LCLAT1: variants seen among roughly 807,000 people sequenced by gnomAD.
LCLAT1 encodes the protein 1-AGP acyltransferase 8.
LCLAT1 carries 11 observed loss-of-function variants against 30.7 expected under a neutral mutation model. The ratio of observed to expected loss-of-function variants is 0.36; its 90% CI spans 0.23 to 0.59. The LOEUF (loss-of-function observed/expected upper bound fraction) is 0.59, where lower values mean the gene tolerates loss of function less well. Among genes scored for constraint, LCLAT1 ranks in the 20% least tolerant of loss-of-function variants. The pLI is 0.77. For missense variants in LCLAT1, 402 were observed against 458.6 expected, an observed-to-expected ratio of 0.88 and a Z score of 1.13; for synonymous variants, 155 against 151.3, an observed-to-expected ratio of 1.02 and a Z score of -0.18.
At chr2:30,531,530 G>A (rs1402036536) in intron 2 of LCLAT1, among the ~76,000 whole-genome samples, 3 of 152,098 alleles carry the variant, frequency 2.0e-5, no homozygotes, top group African/African-American at 7.2e-5. Context: ...TTGACCTCTT[G>A]GAGGCCATCG....
chr2:30,464,337 T>C (rs1226712183), intron 1 of LCLAT1, among the ~76,000 whole-genome samples: 1 of 152,228 alleles, frequency 6.6e-6, no homozygotes, highest in Non-Finnish European at 1.5e-5. Context: ...GGAATGAAAC[T>C]GCTTGATTCT....
At chr2:30,456,598 G>A (rs1347656555) in intron 1 of LCLAT1, among the ~76,000 whole-genome samples, 1 of 152,182 alleles carries the variant, frequency 6.6e-6, no homozygotes, top group African/African-American at 2.4e-5. Context: ...ATATTGGCTG[G>A]AGGGCATGTT....
At chr2:30,614,664 T>C (rs1377469629) in intron 5 of LCLAT1, among the ~76,000 whole-genome samples, 2 of 152,172 alleles carry the variant, frequency 1.3e-5, no homozygotes, top group South Asian at 2.1e-4. Context: ...TAGGGAGTTA[T>C]GAAATTAGTA....
At chr2:30,503,556 C>G (rs987934233) in intron 1 of LCLAT1, among the ~76,000 whole-genome samples, 1 of 152,150 alleles carries the variant, frequency 6.6e-6, no homozygotes, top group Non-Finnish European at 1.5e-5. Context: ...TAGAGTTCCA[C>G]TTAGCATGGG....
chr2:30,623,301 G>A (rs539428517), intron 5 of LCLAT1, among the ~76,000 whole-genome samples: 35 of 152,136 alleles, frequency 2.3e-4, no homozygotes, highest in Admixed American at 9.2e-4. Flanking sequence ...TGATCCACCC[G>A]CCTTGGCCTC....
In LCLAT1 at chr2:30,644,170, G is replaced by A. The variant is rs184514649; in HGVS notation, c.*3551G>A. On this transcript the variant is annotated 3_prime_UTR_variant, in exon 6 of 6. Coordinates refer to ENST00000379509, the MANE Select transcript of LCLAT1 (RefSeq NM_001002257.3). ...TTTCAATGTCTGATGGTATATTTGT[G>A]AGTTGTGTTATCTGTAATATACATC... is the stretch of plus-strand genomic sequence containing the variant. 163 of 152,210 alleles carry A rather than the reference G, an allele frequency of 1.1e-3. No individual in the cohort carries two copies. Among genetic ancestry groups the A allele is most frequent in the African/African-American group, 3.8e-3 (156 of 41,526 alleles). 9.4% of individuals were successfully genotyped at this position (152,210 alleles called of 1,614,324 possible).
At chr2:30,450,587 A>T (rs1469148318) in intron 1 of LCLAT1, among the ~76,000 whole-genome samples, 1 of 152,230 alleles carries the variant, frequency 6.6e-6, no homozygotes, top group African/African-American at 2.4e-5. Flanking sequence ...GTAATCACTG[A>T]TGGTTTCTCT....
At chr2:30,518,422 C>T (rs959465367) in intron 1 of LCLAT1, among the ~76,000 whole-genome samples, 3 of 152,070 alleles carry the variant, frequency 2.0e-5, no homozygotes, top group Non-Finnish European at 2.9e-5. Context: ...TCTGCTCAAA[C>T]GTGCGAGCTG....
chr2:30,470,075 G>A (rs1682699617), intron 1 of LCLAT1, among the ~76,000 whole-genome samples: 1 of 152,144 alleles, frequency 6.6e-6, no homozygotes, highest in African/African-American at 2.4e-5. Flanking sequence ...AATCACACGA[G>A]TGTCAAAATG....
At chr2:30,540,663 C>G (rs1012157863) in intron 3 of LCLAT1, among the ~76,000 whole-genome samples, 2 of 150,374 alleles carry the variant, frequency 1.3e-5, no homozygotes, top group African/African-American at 4.9e-5. Context: ...CTTTCTTTTC[C>G]TTTCTTTTTT....
At chr2:30,502,171 C>T (rs775852163) in intron 1 of LCLAT1, among the ~76,000 whole-genome samples, 6 of 152,036 alleles carry the variant, frequency 3.9e-5, no homozygotes, top group African/African-American at 1.2e-4. Flanking sequence ...TTTTTTTGTT[C>T]AGTGATTTCA....
intron 5 of LCLAT1, among the ~76,000 whole-genome samples, chr2:30,618,725 T>C (rs1364322115): frequency 6.6e-6 from 1 of 152,150 alleles, no homozygotes; most frequent in Non-Finnish European, 1.5e-5. Flanking sequence ...AAAAATAAAA[T>C]TTCAGTGTTC....
intron 5 of LCLAT1, among the ~76,000 whole-genome samples, chr2:30,603,214 G>T (rs1667274893): frequency 6.6e-6 from 1 of 151,964 alleles, no homozygotes; most frequent in Non-Finnish European, 1.5e-5. Context: ...AACATTCAGA[G>T]AATTGTTTTC....
chr2:30,537,571 C>T (rs561117706), intron 3 of LCLAT1, among the ~76,000 whole-genome samples: 1 of 150,912 alleles, frequency 6.6e-6, no homozygotes, highest in South Asian at 2.1e-4. Context: ...ACCGGAGCAC[C>T]CAGATATATA....
At chr2:30,469,864 A>C in intron 1 of LCLAT1, among the ~76,000 whole-genome samples, 1 of 152,030 alleles carries the variant, frequency 6.6e-6, no homozygotes, top group East Asian at 1.9e-4. Flanking sequence ...AAGTGCTGAG[A>C]TTACATGCAT....
intron 5 of LCLAT1, among the ~76,000 whole-genome samples, chr2:30,633,512 C>G (rs1668867523): frequency 2.0e-5 from 3 of 152,060 alleles, no homozygotes; most frequent in Non-Finnish European, 2.9e-5. Flanking sequence ...CATGGTAAAA[C>G]TCATCTCTAC....
intron 5 of LCLAT1, among the ~76,000 whole-genome samples, chr2:30,610,854 G>T (rs1325390949): frequency 6.6e-6 from 1 of 151,938 alleles, no homozygotes; most frequent in Non-Finnish European, 1.5e-5. Flanking sequence ...GGTCTCCACG[G>T]ACATGAATAT....
chr2:30,642,808 A>G lies in LCLAT1; in HGVS notation c.*2189A>G, dbSNP rs1196472794. 7.9e-6 allele frequency: 1 copy of G among 126,666 alleles called. No individual in the cohort carries two copies. Among genetic ancestry groups the G allele is most frequent in the African/African-American group, 3.0e-5 (1 of 32,818 alleles). 7.8% of individuals were successfully genotyped at this position (126,666 alleles called of 1,614,324 possible). A position where few individuals can be genotyped will look rare whatever the true frequency, so the allele number is the denominator to read the frequency against. On this transcript the variant is annotated 3_prime_UTR_variant, in exon 6 of 6. Coordinates refer to ENST00000379509, the MANE Select transcript of LCLAT1 (RefSeq NM_001002257.3). ...TACATTTAGTGCTGTATAGCACTAA[A>G]ACTTAGAGATACAGACACTGTACTT...
At chr2:30,549,291 T>C (rs12477267) in intron 3 of LCLAT1, among the ~76,000 whole-genome samples, 19,347 of 152,158 alleles carry the variant, frequency 0.13, 1,366 homozygotes, top group South Asian at 0.23. Context: ...CTATTTCTAA[T>C]ACCTCAGCAA....
Sources: allele counts gnomAD v4.1 joint callset (sites outside exome capture counted in the v4.1 genomes callset), GRCh38; gene constraint gnomAD v4.1.1; transcripts MANE v1.5; gene names NCBI Gene and HGNC (gene_info 2026-07-23, HGNC 2026-07-21).